Variants in RBFOX1 observed in about 807,000 individuals in gnomAD.
The protein encoded by RBFOX1 is RNA binding protein fox-1 homolog 1.
RBFOX1 carries 8 observed loss-of-function variants against 57.7 expected under a neutral mutation model. The observed-to-expected ratio is 0.14, with a 90% CI of 0.08 to 0.25. RBFOX1 has a LOEUF of 0.25. Ranked by LOEUF, RBFOX1 falls within the 10% of genes least tolerant of loss-of-function variation. The probability of loss-of-function intolerance (pLI) is 1.00; values close to 1 mark genes in which losing one functional copy is unlikely to be tolerated. For synonymous variants in RBFOX1, 326 were observed against 222.4 expected (o/e 1.47, Z -4.15); for missense variants, 611 against 548.5 (o/e 1.11, Z -1.14).
chr16:6,659,913 A>C (rs2098690392), intron 3 of RBFOX1, among the ~76,000 whole-genome samples: 1 of 152,118 alleles, frequency 6.6e-6, no homozygotes, highest in South Asian at 2.1e-4. Context: ...GAGTAGATAC[A>C]CGGGTTAGAA....
intron 2 of RBFOX1, among the ~76,000 whole-genome samples, chr16:6,586,851 G>A (rs183654745): frequency 2.0e-5 from 3 of 152,212 alleles, no homozygotes; most frequent in East Asian, 1.9e-4. Flanking sequence ...AAGGGAAAAG[G>A]TTTCTTCAAT....
chr16:7,215,834 C>G (rs1022388873), intron 4 of RBFOX1, among the ~76,000 whole-genome samples: 8 of 150,778 alleles, frequency 5.3e-5, no homozygotes, highest in East Asian at 2.0e-4. Flanking sequence ...ACGCCATTCT[C>G]CTGCCTCAGC....
intron 3 of RBFOX1, among the ~76,000 whole-genome samples, chr16:5,706,328 T>C (rs2051246885): frequency 1.3e-5 from 2 of 152,190 alleles, no homozygotes; most frequent in South Asian, 4.1e-4. Context: ...GTCTGGAAGA[T>C]GAGAGTGGAA....
At chr16:7,334,644 G>T (rs889123969) in intron 4 of RBFOX1, among the ~76,000 whole-genome samples, 1 of 152,146 alleles carries the variant, frequency 6.6e-6, no homozygotes, top group Non-Finnish European at 1.5e-5. Context: ...AGGTTTAATG[G>T]ACTCCAGAGC....
intron 14 of RBFOX1, among the ~76,000 whole-genome samples, chr16:7,685,959 C>T (rs958226052): frequency 6.6e-6 from 1 of 152,048 alleles, no homozygotes; most frequent in African/African-American, 2.4e-5. Flanking sequence ...TGTGAGGTTA[C>T]TTACTACACG....
chr16:6,725,566 A>G (rs975002344), intron 3 of RBFOX1, among the ~76,000 whole-genome samples: 3 of 152,162 alleles, frequency 2.0e-5, no homozygotes, highest in African/African-American at 7.2e-5. Flanking sequence ...TGTTTAGCAT[A>G]TAATCAAGAG....
intron 1 of RBFOX1, among the ~76,000 whole-genome samples, chr16:5,449,839 T>C (rs1396374993): frequency 6.6e-6 from 1 of 151,978 alleles, no homozygotes; most frequent in East Asian, 1.9e-4. Flanking sequence ...AACTCCCGGA[T>C]TCAAGTGATC....
intron 2 of RBFOX1, among the ~76,000 whole-genome samples, chr16:6,389,572 C>T (rs1032825579): frequency 2.0e-5 from 3 of 152,112 alleles, no homozygotes; most frequent in African/African-American, 4.8e-5. Context: ...TTCTAGGAAC[C>T]TGTGATCTTT....
At chr16:5,993,869 A>G (rs902218077) in intron 4 of RBFOX1, among the ~76,000 whole-genome samples, 13 of 152,150 alleles carry the variant, frequency 8.5e-5, no homozygotes, top group Non-Finnish European at 1.9e-4. Flanking sequence ...GTCTGGGAAG[A>G]TGATGTATAT....
At chr16:5,739,588 A>G (rs1293811310) in intron 3 of RBFOX1, among the ~76,000 whole-genome samples, 1 of 152,242 alleles carries the variant, frequency 6.6e-6, no homozygotes, top group Non-Finnish European at 1.5e-5. Context: ...TTTTTCATAT[A>G]GAAGGAGAGA....
At chr16:7,197,126 C>A (rs892044082) in intron 4 of RBFOX1, among the ~76,000 whole-genome samples, 6 of 152,152 alleles carry the variant, frequency 3.9e-5, no homozygotes, top group Non-Finnish European at 1.5e-5. Flanking sequence ...CCTTCTCTAC[C>A]CATCTCCAAT....
At chr16:7,055,957 C>T (rs1446334532) in intron 4 of RBFOX1, among the ~76,000 whole-genome samples, 1 of 152,170 alleles carries the variant, frequency 6.6e-6, no homozygotes, top group Non-Finnish European at 1.5e-5. Context: ...TCTCTGCCAA[C>T]ATTGAATCTC....
At chr16:6,435,302 G>GTTTTGTTTTTGT (rs6145736) in intron 2 of RBFOX1, among the ~76,000 whole-genome samples, 48,124 of 151,302 alleles carry the variant, frequency 0.32, 8,699 homozygotes, top group African/African-American at 0.49. Flanking sequence ...GTTGTTTTTT[G>GTTTTGTTTTTGT]TTTTGTTTTT....
chr16:6,833,458 C>T (rs1448436167), intron 3 of RBFOX1, among the ~76,000 whole-genome samples: 2 of 152,166 alleles, frequency 1.3e-5, no homozygotes, highest in African/African-American at 2.4e-5. Context: ...TGAACCACTG[C>T]TCCCAGCCTC....
chr16:7,697,133 A>C (rs2079045166), intron 14 of RBFOX1, among the ~76,000 whole-genome samples: 1 of 152,320 alleles, frequency 6.6e-6, no homozygotes, highest in Non-Finnish European at 1.5e-5. Flanking sequence ...AAACTGCCAA[A>C]GAACAGAAGA....
chr16:6,438,423 T>C (rs1285235829), intron 2 of RBFOX1, among the ~76,000 whole-genome samples: 1 of 152,194 alleles, frequency 6.6e-6, no homozygotes, highest in Non-Finnish European at 1.5e-5. Flanking sequence ...CTCCAAACTT[T>C]GCTTGACCAC....
At chr16:6,384,718 A>G (rs1345965661) in intron 2 of RBFOX1, among the ~76,000 whole-genome samples, 2 of 152,238 alleles carry the variant, frequency 1.3e-5, no homozygotes, top group African/African-American at 4.8e-5. Context: ...AAGTGCCTCC[A>G]TCTCAGAGTG....
intron 4 of RBFOX1, among the ~76,000 whole-genome samples, chr16:5,910,494 A>G (rs559492071): frequency 1.3e-5 from 2 of 152,328 alleles, no homozygotes; most frequent in South Asian, 2.1e-4. Context: ...GTTGGCTACT[A>G]TAAGAATCTC....
chr16:6,634,915 T>TATATA (rs56808155), intron 2 of RBFOX1, among the ~76,000 whole-genome samples: 23 of 139,888 alleles, frequency 1.6e-4, no homozygotes, highest in Non-Finnish European at 3.0e-4. Flanking sequence ...TATTTTAATT[T>TATATA]ATATAATATA....
Sources: gnomAD v4.1 joint callset for allele counts (sites outside exome capture counted in the v4.1 genomes callset) on GRCh38, gnomAD v4.1.1 for gene constraint, MANE v1.5 for transcripts, NCBI Gene and HGNC (gene_info 2026-07-23, HGNC 2026-07-21) for gene names.